CCDC50: variants seen among roughly 807,000 people sequenced by gnomAD.
CCDC50 encodes the protein coiled-coil domain containing 50.
Under a neutral mutation model 70.2 loss-of-function variants are expected in CCDC50, and 54 were observed. The ratio of observed to expected loss-of-function variants is 0.77; its 90% CI spans 0.62 to 0.96. The LOEUF (loss-of-function observed/expected upper bound fraction) is 0.96. Among genes scored for constraint, CCDC50 ranks in the 50% least tolerant of loss-of-function variants. The pLI is 0.00. For synonymous variants in CCDC50, 216 were observed against 198.8 expected (o/e 1.09, Z -0.73); for missense variants, 558 against 578.7 (o/e 0.96, Z 0.37).
intron 6 of CCDC50, among the ~76,000 whole-genome samples, chr3:191,378,199 A>G (rs1280409277): frequency 6.6e-6 from 1 of 152,098 alleles, no homozygotes; most frequent in Non-Finnish European, 1.5e-5. Context: ...CCCTCTAAAT[A>G]TTTGGAACTG....
Position 191,397,630 on chromosome 3 carries a change from C to T in CCDC50, c.*5870C>T, listed in dbSNP as rs185038859. 1 of 152,286 alleles carries T rather than the reference C, an allele frequency of 6.6e-6. No individual in the cohort carries two copies. The highest frequency in any genetic ancestry group is 6.5e-5 in the Admixed American group (1 of 15,296). The allele number at this position is 152,286 out of a possible 1,614,324, so 9.4% of individuals were successfully genotyped here. Reference sequence around the variant, plus strand: ...ATATAAATCAAGTTGCCCAGGAAACCTGAGGTGATGCTATCATTTGTCTCA... The same window carrying T: ...ATATAAATCAAGTTGCCCAGGAAACTTGAGGTGATGCTATCATTTGTCTCA... On this transcript the variant is annotated 3_prime_UTR_variant, in exon 12 of 12. Coordinates refer to ENST00000392455, the MANE Select transcript of CCDC50 (RefSeq NM_178335.3).
intron 1 of CCDC50, among the ~76,000 whole-genome samples, chr3:191,332,260 C>T (rs138109587): frequency 6.6e-6 from 1 of 152,038 alleles, no homozygotes; most frequent in Non-Finnish European, 1.5e-5. Context: ...TTAAGGAAGT[C>T]AAAAATATTC....
chr3:191,390,931 T>A (rs1396161279), intron 11 of CCDC50, among the ~76,000 whole-genome samples: 2 of 152,228 alleles, frequency 1.3e-5, no homozygotes, highest in Non-Finnish European at 2.9e-5. Flanking sequence ...CTTGCAAGGA[T>A]CTGCGTTCAC....
At chr3:191,387,359 G>A (rs917731849) in intron 10 of CCDC50, among the ~76,000 whole-genome samples, 2 of 152,112 alleles carry the variant, frequency 1.3e-5, no homozygotes, top group Non-Finnish European at 1.5e-5. Flanking sequence ...CATGAGAACG[G>A]TAGGAAACAG....
At chr3:191,334,695 C>T (rs1718086740) in intron 1 of CCDC50, among the ~76,000 whole-genome samples, 1 of 152,098 alleles carries the variant, frequency 6.6e-6, no homozygotes, top group Non-Finnish European at 1.5e-5. Context: ...TTTTCCTTTT[C>T]CTCCTTCCCT....
At chr3:191,378,059 G>T (rs1713178589) in intron 6 of CCDC50, among the ~76,000 whole-genome samples, 1 of 152,030 alleles carries the variant, frequency 6.6e-6, no homozygotes, top group Non-Finnish European at 1.5e-5. Flanking sequence ...GTCACCTTGG[G>T]TCCAGAGGAC....
Position 191,333,451 on chromosome 3 carries a change from T to C in CCDC50, c.49+3728T>C, listed in dbSNP as rs1213690038. On this transcript the variant is annotated intron_variant, in intron 1 of 11. Coordinates refer to ENST00000392455, the MANE Select transcript of CCDC50 (RefSeq NM_178335.3). Reference sequence around the variant, plus strand: ...GCTTATCACATGCACACTAGGCATCTAAACAGATGGCAGTGTCCATGAGAT... The same window carrying C: ...GCTTATCACATGCACACTAGGCATCCAAACAGATGGCAGTGTCCATGAGAT... 2.6e-5 allele frequency among the ~76,000 whole-genome samples: 4 copies of C among 152,208 alleles called. No homozygotes were observed. The East Asian group carries it at 7.7e-4, about 29-fold the overall frequency.
intron 4 of CCDC50, among the ~76,000 whole-genome samples, chr3:191,362,713 C>T (rs1405708892): frequency 6.6e-6 from 1 of 152,082 alleles, no homozygotes; most frequent in African/African-American, 2.4e-5. Context: ...AGTAAACAGC[C>T]TACATACACT....
intron 1 of CCDC50, among the ~76,000 whole-genome samples, chr3:191,334,183 A>C (rs1326200581): frequency 6.6e-6 from 1 of 152,132 alleles, no homozygotes; most frequent in African/African-American, 2.4e-5. Context: ...CACAATAAAA[A>C]AAAATTTTCC....
At chr3:191,340,655 T>C (rs374731708) in intron 1 of CCDC50, among the ~76,000 whole-genome samples, 1 of 152,192 alleles carries the variant, frequency 6.6e-6, no homozygotes. Context: ...CTGAAAAAGT[T>C]TGGAGTGGCG....
Position 191,392,372 on chromosome 3 carries a change from C to T in CCDC50, c.*612C>T, listed in dbSNP as rs1390610943. On this transcript the variant is annotated 3_prime_UTR_variant, in exon 12 of 12. Transcript: ENST00000392455. The stretch of plus-strand genomic sequence containing the variant: ...CCTAGATAGCATTCTTTAACACTTC[C>T]TCTGCTTTTGCCTCAGTAGCAAGGC... The T allele has an allele frequency of 1.3e-5, 2 of 152,296 alleles. No homozygotes were observed. The highest frequency in any genetic ancestry group is 6.5e-5 in the Admixed American group (1 of 15,282). 9.4% of individuals were successfully genotyped at this position (152,296 alleles called of 1,614,324 possible).
chr3:191,337,830 T>G (rs1030048122), intron 1 of CCDC50, among the ~76,000 whole-genome samples: 1 of 148,276 alleles, frequency 6.7e-6, no homozygotes, highest in African/African-American at 2.5e-5. Flanking sequence ...TTTCCTTACG[T>G]TTTTTTTTTA....
chr3:191,375,085 A>G lies in CCDC50; in HGVS notation c.472A>G (p.Arg158Gly). ...DGDQPGSRRARELGSGFSRPC... is the reference protein window; with the variant it reads ...DGDQPGSRRAGELGSGFSRPC... ...AGACCAACCAGGGTCAAGGAGGGCC[A>G]GGGAATTGGGTTCTGGATTCTCAAG... The change falls in exon 6 of 12, where the codon AGG becomes GGG. Residue 158 changes from arginine to glycine, a missense_variant. Coordinates refer to ENST00000392455, the MANE Select transcript of CCDC50 (RefSeq NM_178335.3). 6.2e-7 allele frequency: 1 copy of G among 1,613,574 alleles called. No homozygotes were observed. Among genetic ancestry groups the G allele is most frequent in the South Asian group, 1.1e-5 (1 of 91,070 alleles).
intron 10 of CCDC50, among the ~76,000 whole-genome samples, chr3:191,383,069 G>A (rs559771849): frequency 3.4e-4 from 52 of 152,220 alleles, no homozygotes; most frequent in African/African-American, 1.2e-3. Context: ...CTTTTTGTTA[G>A]GACTGATTCT....
chr3:191,352,066 C>T (rs1335114908), intron 1 of CCDC50, among the ~76,000 whole-genome samples: 1 of 141,880 alleles, frequency 7.0e-6, no homozygotes, highest in Non-Finnish European at 1.6e-5. Flanking sequence ...TTACATCCAC[C>T]CCCAGTTCAT....
At chr3:191,358,322 AG>A (rs2108649292) in intron 3 of CCDC50, among the ~76,000 whole-genome samples, 198 bp downstream of exon 3, 1 of 152,336 alleles carries the variant, frequency 6.6e-6, no homozygotes, top group East Asian at 1.9e-4. Context: ...ACCAGGTTTA[AG>A]GACATGTTGA....
intron 1 of CCDC50, among the ~76,000 whole-genome samples, chr3:191,342,882 A>T (rs1214854450): frequency 6.6e-6 from 1 of 152,232 alleles, no homozygotes; most frequent in South Asian, 2.1e-4. Flanking sequence ...ATGCCTTATG[A>T]CTATCAGTGG....
At chr3:191,331,384 ATAT>A (rs1717979095) in intron 1 of CCDC50, among the ~76,000 whole-genome samples, 3 of 152,210 alleles carry the variant, frequency 2.0e-5, no homozygotes, top group South Asian at 4.1e-4. Flanking sequence ...GTATTCTAAC[ATAT>A]TATTTCTCAA....
At position 191,358,050 on chromosome 3, in the gene CCDC50, T is replaced by A; in HGVS notation, c.165T>A (p.Asp55Glu). 1 of 1,613,988 alleles carries A rather than the reference T, an allele frequency of 6.2e-7. No individual in the cohort carries two copies. Among genetic ancestry groups the A allele is most frequent in the Non-Finnish European group, 8.5e-7 (1 of 1,179,900 alleles). Reference protein sequence around the residue: ...NVQRNRLVQHDLQVAKQLQEE... With the variant: ...NVQRNRLVQHELQVAKQLQEE... ...AGCGGAACCGTTTGGTCCAGCATGA[T>A]CTCCAGGTGGCTAAGCAGCTCCAAG... Residue 55 changes from aspartate (D) to glutamate (E), a missense_variant, in exon 3 of 12, where the codon GAT becomes GAA. Coordinates refer to ENST00000392455, the MANE Select transcript of CCDC50 (RefSeq NM_178335.3).
Sources: gnomAD v4.1 joint callset for allele counts (sites outside exome capture counted in the v4.1 genomes callset) on GRCh38, gnomAD v4.1.1 for gene constraint, MANE v1.5 for transcripts, NCBI Gene and HGNC (gene_info 2026-07-23, HGNC 2026-07-21) for gene names.